Variants in ABTB2 observed in about 807,000 individuals in gnomAD.
ABTB2 encodes the protein ankyrin repeat and BTB/POZ domain-containing protein 2.
ABTB2 carries 56 observed loss-of-function variants against 104.1 expected under a neutral mutation model. The ratio of observed to expected loss-of-function variants is 0.54; its 90% CI spans 0.43 to 0.67. The LOEUF is 0.67. Ranked by LOEUF, ABTB2 falls within the 30% of genes least tolerant of loss-of-function variation. The pLI is 0.00. For synonymous variants in ABTB2, 606 were observed against 608.2 expected (o/e 1.00, Z 0.05); for missense variants, 1,279 against 1,407.7 (o/e 0.91, Z 1.46).
At chr11:34,217,051 T>C (rs1308938997) in intron 1 of ABTB2, among the ~76,000 whole-genome samples, 1 of 152,220 alleles carries the variant, frequency 6.6e-6, no homozygotes, top group Non-Finnish European at 1.5e-5. Flanking sequence ...TTGCATATAA[T>C]TAAAAGTGGG....
intron 1 of ABTB2, chr11:34,335,852 A>G: frequency 1.7e-6 from 2 of 1,189,500 alleles, no homozygotes; most frequent in East Asian, 2.3e-5. Flanking sequence ...TTTTGAGAGC[A>G]TATATCTGGA....
chr11:34,278,146 T>G (rs1854407524), intron 1 of ABTB2, among the ~76,000 whole-genome samples: 1 of 151,810 alleles, frequency 6.6e-6, no homozygotes, highest in African/African-American at 2.4e-5. Context: ...TGTTATAAAC[T>G]TTTGCAATCT....
At chr11:34,319,073 G>A (rs1439858372) in intron 1 of ABTB2, among the ~76,000 whole-genome samples, 1 of 152,218 alleles carries the variant, frequency 6.6e-6, no homozygotes, top group Admixed American at 6.5e-5. Context: ...CTGGAGCTGG[G>A]GGATAACATC....
chr11:34,356,899 T>C lies in ABTB2; in HGVS notation c.685A>G (p.Ile229Val). The C allele has an allele frequency of 2.5e-6, 4 of 1,603,476 alleles. No homozygotes were observed. Among genetic ancestry groups the C allele is most frequent in the Non-Finnish European group, 2.6e-6 (3 of 1,174,884 alleles). ...TTCTCCATGCAGGCGGTGAGGGAGATGGCTGCGTACTCGTGGATGCGCACG... is the reference window on the plus strand; with the variant it reads ...TTCTCCATGCAGGCGGTGAGGGAGACGGCTGCGTACTCGTGGATGCGCACG... ...ISVRIHEYAAISLTACMENLV... is the reference protein window; with the variant it reads ...ISVRIHEYAAVSLTACMENLV... The change falls in exon 1 of 17, where the codon ATC becomes GTC. Residue 229 changes from isoleucine (I) to valine (V), a missense_variant. Ile to Val is a conservative substitution (Grantham distance 29). Coordinates refer to ENST00000435224, the MANE Select transcript of ABTB2 (RefSeq NM_145804.3). This position sits in a 1 kb window ranked among gnomAD's most constrained non-coding sequence, Gnocchi z 4.6.
chr11:34,329,924 T>C (rs1297171514), intron 1 of ABTB2, among the ~76,000 whole-genome samples: 1 of 152,168 alleles, frequency 6.6e-6, no homozygotes, highest in Non-Finnish European at 1.5e-5. Flanking sequence ...TAGCTTTAAA[T>C]TACTTAGGAA....
At chr11:34,283,829 A>G (rs567324377) in intron 1 of ABTB2, among the ~76,000 whole-genome samples, 2 of 152,354 alleles carry the variant, frequency 1.3e-5, no homozygotes, top group South Asian at 2.1e-4. Flanking sequence ...CCTTACTCTC[A>G]GCAACCAGGC....
chr11:34,293,281 G>T (rs1382389716), intron 1 of ABTB2, among the ~76,000 whole-genome samples: 1 of 152,160 alleles, frequency 6.6e-6, no homozygotes, highest in Admixed American at 6.5e-5. Context: ...TTCTGGGCAG[G>T]GGACACCTGA....
chr11:34,176,882 C>T (rs1852966547), intron 3 of ABTB2, among the ~76,000 whole-genome samples: 2 of 152,166 alleles, frequency 1.3e-5, no homozygotes, highest in Non-Finnish European at 2.9e-5. Context: ...ACAATCTATT[C>T]ATGAATTATC....
At chr11:34,164,493 G>A (rs1403072021) in intron 9 of ABTB2, among the ~76,000 whole-genome samples, 193 bp downstream of exon 9, 2 of 152,234 alleles carry the variant, frequency 1.3e-5, no homozygotes, top group Non-Finnish European at 2.9e-5. Flanking sequence ...GGAATCAGCT[G>A]TGGGGCCTCC....
At position 34,160,951 on chromosome 11, in the gene ABTB2, C is replaced by T. The variant is rs746912210; in HGVS notation, c.2349G>A (p.Leu783=). 1.1e-5 allele frequency: 17 copies of T among 1,613,286 alleles called. No homozygotes were observed. Among genetic ancestry groups the T allele is most frequent in the South Asian group, 6.6e-5 (6 of 91,056 alleles). ...SIREEEYNEE[L]VTEGLQLMFD... ...ACATGAGCTGCAAGCCCTCGGTCAC[C>T]AGCTCCTCGTTGTACTCCTCCTCTC... Residue 783 remains leucine, a synonymous_variant, in exon 11 of 17, where the codon CTG becomes CTA. Transcript: ENST00000435224.
chr11:34,241,099 A>G (rs1232461444), intron 1 of ABTB2, among the ~76,000 whole-genome samples: 1 of 152,064 alleles, frequency 6.6e-6, no homozygotes, highest in Non-Finnish European at 1.5e-5. Flanking sequence ...GGCTAAAAGG[A>G]GGATTTGAGA....
chr11:34,161,902 G>A (rs1015364091), intron 10 of ABTB2, among the ~76,000 whole-genome samples: 1 of 152,186 alleles, frequency 6.6e-6, no homozygotes, highest in African/African-American at 2.4e-5. Flanking sequence ...GAAGAACACT[G>A]AGGCTGACTC....
At chr11:34,160,206 G>C in intron 12 of ABTB2, 42 bp downstream of exon 12, 1 of 1,509,308 alleles carries the variant, frequency 6.6e-7, no homozygotes, top group Non-Finnish European at 9.2e-7. Flanking sequence ...GGAAGAGGGG[G>C]AGGACGTGTG....
At chr11:34,262,648 C>T (rs929756101) in intron 1 of ABTB2, among the ~76,000 whole-genome samples, 6 of 152,202 alleles carry the variant, frequency 3.9e-5, no homozygotes, top group African/African-American at 1.4e-4. Flanking sequence ...CAAGGCCCCA[C>T]AGCAGGGACT....
intron 1 of ABTB2, among the ~76,000 whole-genome samples, chr11:34,241,167 A>T (rs564069929): frequency 2.6e-5 from 4 of 152,264 alleles, no homozygotes; most frequent in African/African-American, 9.6e-5. Flanking sequence ...CTTTGGGCAA[A>T]TAATTTATTT....
chr11:34,171,031 G>A lies in ABTB2; in HGVS notation c.1438C>T (p.Arg480Ter), dbSNP rs1424463260. ...CFSSFRRLDA[R>*]AATEKFNQDL... is the part of the protein sequence containing the mutation. ...TGGTTGAATTTTTCAGTAGCTGCTCGGGCATCCAGCCTCCGGAAGGAACTG... is the reference window on the plus strand; with the variant it reads ...TGGTTGAATTTTTCAGTAGCTGCTCAGGCATCCAGCCTCCGGAAGGAACTG... Residue 480 changes from arginine (R) to a stop codon, truncating the protein, a stop_gained, in exon 5 of 17, where the codon CGA (arginine) becomes TGA (stop). Transcript: ENST00000435224. LOFTEE classifies it high-confidence loss of function. 7.4e-6 allele frequency: 12 copies of A among 1,613,976 alleles called. No individual in the cohort carries two copies. The highest frequency in any genetic ancestry group is 1.0e-5 in the Non-Finnish European group (12 of 1,180,040).
chr11:34,160,903 T>C lies in ABTB2; in HGVS notation c.2397A>G (p.Lys799=). 6.2e-7 allele frequency: 1 copy of C among 1,600,974 alleles called. No individual in the cohort carries two copies. The highest frequency in any genetic ancestry group is 1.3e-5 in the African/African-American group (1 of 74,662). Residue 799 remains lysine, a splice_region_variant and synonymous_variant, in exon 11 of 17, where the codon AAA becomes AAG. Transcript: ENST00000435224. ...QLMFDILKTS[K]NDSVIQQLAT... Reference sequence around the variant, plus strand: ...GGAACTGGCCACTGGCCACACTTACTTTGCTGGTCTTGAGGATGTCGAACA... The same window carrying C: ...GGAACTGGCCACTGGCCACACTTACCTTGCTGGTCTTGAGGATGTCGAACA...
intron 3 of ABTB2, among the ~76,000 whole-genome samples, chr11:34,186,942 T>A (rs1480922015): frequency 6.6e-6 from 1 of 152,196 alleles, no homozygotes; most frequent in African/African-American, 2.4e-5. Context: ...TCTCCCCTCC[T>A]GGGAGGGGAA....
At chr11:34,174,147 A>G (rs961170558) in intron 3 of ABTB2, among the ~76,000 whole-genome samples, 1 of 152,118 alleles carries the variant, frequency 6.6e-6, no homozygotes, top group African/African-American at 2.4e-5. Context: ...ATCCCGGCTA[A>G]CACAGTCTCT....
Sources: allele counts gnomAD v4.1 joint callset (sites outside exome capture counted in the v4.1 genomes callset), GRCh38; gene constraint gnomAD v4.1.1; non-coding constraint Gnocchi (gnomAD v3.1); transcripts MANE v1.5; gene names NCBI Gene and HGNC (gene_info 2026-07-23, HGNC 2026-07-21).